Variants in TEX29 observed in about 807,000 individuals in gnomAD.
TEX29 encodes the protein testis expressed 29, also known as testis-expressed protein 29.
TEX29 carries 26 observed loss-of-function variants against 18.2 expected under a neutral mutation model. The observed-to-expected ratio is 1.43, with a 90% confidence interval of 1.04 to 1.98. The LOEUF is 1.98. Among genes scored for constraint, TEX29 ranks in the 30% most tolerant of loss-of-function variants. The pLI is 0.00. For missense variants in TEX29, 177 were observed against 194.2 expected, an observed-to-expected ratio of 0.91 and a Z score of 0.53; for synonymous variants, 83 against 78.5, an observed-to-expected ratio of 1.06 and a Z score of -0.31.
intron 2 of TEX29, 33 bp downstream of exon 2, chr13:111,320,981 GGT>G: frequency 2.7e-6 from 3 of 1,098,112 alleles, no homozygotes; most frequent in Non-Finnish European, 2.7e-6. Flanking sequence ...GGGCGGGTGG[GGT>G]GGGGGAGCAG....
chr13:111,326,432 AGCCT>A (rs1269179607), intron 2 of TEX29, among the ~76,000 whole-genome samples: 1,656 of 112,288 alleles, frequency 0.015, 1 homozygote, highest in South Asian at 0.019. Context: ...GGGCAGCGTG[AGCCT>A]GGCGCTGGTG....
intron 2 of TEX29, among the ~76,000 whole-genome samples, chr13:111,327,593 G>A (rs9301496): frequency 0.031 from 4,698 of 152,252 alleles, 123 homozygotes; most frequent in African/African-American, 0.069. Flanking sequence ...CACATCCCTC[G>A]GGGCTGAACA....
intron 2 of TEX29, among the ~76,000 whole-genome samples, chr13:111,324,075 G>C (rs1281569506): frequency 6.6e-6 from 1 of 152,226 alleles, no homozygotes; most frequent in South Asian, 2.1e-4. Context: ...CAGACAGAAA[G>C]GGGTGTGCAG....
At chr13:111,318,843 A>G (rs1360290463), upstream of TEX29, among the ~76,000 whole-genome samples, 1 of 152,240 alleles carries the variant, frequency 6.6e-6, no homozygotes, top group African/African-American at 2.4e-5. Context: ...GTCATAGCCC[A>G]TCTGGACTGT....
At chr13:111,321,002 G>A in intron 2 of TEX29, 54 bp downstream of exon 2, 1 of 723,368 alleles carries the variant, frequency 1.4e-6, no homozygotes, top group Non-Finnish European at 2.3e-6. Flanking sequence ...AGTTGGGGGG[G>A]GGCACAGGGA....
At chr13:111,322,328 G>A (rs1043451204) in intron 2 of TEX29, among the ~76,000 whole-genome samples, 1 of 146,348 alleles carries the variant, frequency 6.8e-6, no homozygotes, top group Non-Finnish European at 1.5e-5. Context: ...GACGGCTGGG[G>A]TGGCCCCTCT....
At chr13:111,320,487 C>T (rs2093662046), upstream of TEX29, among the ~76,000 whole-genome samples, 1 of 152,230 alleles carries the variant, frequency 6.6e-6, no homozygotes, top group African/African-American at 2.4e-5. Context: ...CTCCCTACAT[C>T]TGTTCATCTG....
At chr13:111,326,260 CGCTGGTGGG>C (rs2093672878) in intron 2 of TEX29, among the ~76,000 whole-genome samples, 3 of 108,996 alleles carry the variant, frequency 2.8e-5, no homozygotes, top group Non-Finnish European at 1.9e-5. Context: ...GCGAGCCTGG[CGCTGGTGGG>C]TGTCTGGTGG....
Position 111,320,967 on chromosome 13 carries a change from AGGGGGGCGGGTGGGGTG to A in TEX29, c.58+24_58+40del. 3 of 220,194 alleles carry A rather than the reference AGGGGGGCGGGTGGGGTG, an allele frequency of 1.4e-5. No homozygotes were observed. The highest frequency in any genetic ancestry group is 1.1e-3 in the Middle Eastern group (1 of 928). The allele number at this position is 220,194 out of a possible 1,614,324, so 13.6% of individuals were successfully genotyped here. ...TTCACAGGTATGGAGGGAAGGCGCC[AGGGGGGCGGGTGGGGTG>A]GGGGAGCAGTTGGGGGGGGGCACAG... On this transcript the variant is annotated intron_variant, in intron 2 of 5. Transcript: ENST00000283547.
chr13:111,326,807 C>T (rs565551873), intron 2 of TEX29, among the ~76,000 whole-genome samples: 6 of 152,096 alleles, frequency 3.9e-5, no homozygotes, highest in Admixed American at 6.5e-5. Flanking sequence ...GAGGCAGTGG[C>T]GGACTCTGTG....
rs117289544 is a variant in TEX29 at position 111,325,430 on chromosome 13, A to T, written c.59-2753A>T. Among the ~76,000 whole-genome samples, 569 of 152,146 alleles carry T rather than the reference A, an allele frequency of 3.7e-3. 3 individuals are homozygous for T. Among genetic ancestry groups the T allele is most frequent in the East Asian group, 0.012 (64 of 5,160 alleles). On this transcript the variant is annotated intron_variant, in intron 2 of 5. Coordinates refer to ENST00000283547, the MANE Select transcript of TEX29 (RefSeq NM_152324.3). ...GTACCTGTGCAGTGGGCGAGCTGCCAGTGATGTTTCTAGAGGGAGCAGGGA... is the reference window on the plus strand; with the variant it reads ...GTACCTGTGCAGTGGGCGAGCTGCCTGTGATGTTTCTAGAGGGAGCAGGGA...
At chr13:111,342,417 A>G (rs2153642184) in intron 4 of TEX29, among the ~76,000 whole-genome samples, 1 of 152,154 alleles carries the variant, frequency 6.6e-6, no homozygotes, top group East Asian at 1.9e-4. Context: ...ATGAGGCTGG[A>G]TGTGGTGGCT....
chr13:111,340,222 A>C (rs1018436473), intron 4 of TEX29, among the ~76,000 whole-genome samples: 2 of 126,778 alleles, frequency 1.6e-5, no homozygotes, highest in Non-Finnish European at 3.4e-5. Flanking sequence ...GATGAAAATC[A>C]TAACCCATGT....
At chr13:111,318,086 G>A (rs2479959), upstream of TEX29, among the ~76,000 whole-genome samples, 41,542 of 152,078 alleles carry the variant, frequency 0.27, 6,626 homozygotes, top group East Asian at 0.81. Flanking sequence ...TGGTGATGGG[G>A]AAACTGGACT....
chr13:111,343,026 C>A, intron 5 of TEX29, 95 bp downstream of exon 5: 2 of 1,411,686 alleles, frequency 1.4e-6, no homozygotes, highest in Non-Finnish European at 1.9e-6. Context: ...AACATCTACA[C>A]AGGCCCTTCA....
chr13:111,317,866 C>T (rs74841268), upstream of TEX29, among the ~76,000 whole-genome samples: 330 of 152,314 alleles, frequency 2.2e-3, 11 homozygotes, highest in East Asian at 0.057. Flanking sequence ...CGTCCGTCCC[C>T]TCCCCGGGCC....
intron 3 of TEX29, among the ~76,000 whole-genome samples, chr13:111,329,052 T>C (rs2479956): frequency 0.79 from 120,178 of 152,228 alleles, 47,659 homozygotes; most frequent in East Asian, 0.87. Flanking sequence ...GTGAGTGCAC[T>C]GGCCTGCGCC....
Position 111,320,967 on chromosome 13 carries a change from AGGGGGGCGGGTGGGGTGGGGGAGCAGTT to A in TEX29, c.58+26_58+53del. ...TTCACAGGTATGGAGGGAAGGCGCC[AGGGGGGCGGGTGGGGTGGGGGAGCAGTT>A]GGGGGGGGGCACAGGGAGGAGCTGT... On this transcript the variant is annotated intron_variant, in intron 2 of 5. Transcript: ENST00000283547. The A allele has an allele frequency of 1.4e-5, 3 of 220,266 alleles. No homozygotes were observed. Among genetic ancestry groups the A allele is most frequent in the Non-Finnish European group, 1.5e-5 (2 of 132,996 alleles). 13.6% of individuals were successfully genotyped at this position (220,266 alleles called of 1,614,324 possible).
upstream of TEX29, among the ~76,000 whole-genome samples, chr13:111,320,515 A>G (rs2093662122): frequency 1.3e-5 from 2 of 152,130 alleles, no homozygotes; most frequent in South Asian, 2.1e-4. Flanking sequence ...TTCGTCCTCA[A>G]TGCAGCCAGT....
Sources: allele counts gnomAD v4.1 joint callset (sites outside exome capture counted in the v4.1 genomes callset), GRCh38; gene constraint gnomAD v4.1.1; transcripts MANE v1.5; gene names NCBI Gene and HGNC (gene_info 2026-07-23, HGNC 2026-07-21).